Variants in FHIT observed in about 807,000 individuals in gnomAD.
FHIT encodes bis(5'-adenosyl)-triphosphatase.
In FHIT, 19 loss-of-function variants were observed where a neutral mutation model predicts 17.9. The ratio of observed to expected loss-of-function variants is 1.06; its 90% CI spans 0.74 to 1.56. The LOEUF (loss-of-function observed/expected upper bound fraction) is 1.56. Ranked by LOEUF, FHIT falls within the 40% of genes most tolerant of loss-of-function variation. FHIT has a pLI of 0.00. For missense variants in FHIT, 248 were observed against 189.2 expected (o/e 1.31, Z -1.82); for synonymous variants, 81 against 69.7 (o/e 1.16, Z -0.81).
At chr3:60,124,009 T>TATATAGAGAGAGAG (rs1384962194) in intron 5 of FHIT, among the ~76,000 whole-genome samples, 1 of 12,158 alleles carries the variant, frequency 8.2e-5, no homozygotes, top group Non-Finnish European at 1.5e-4. Context: ...TATATATATA[T>TATATAGAGAGAGAG]AGAGAGAGAG....
chr3:61,168,757 C>G (rs1429632920), intron 2 of FHIT, among the ~76,000 whole-genome samples: 1 of 152,210 alleles, frequency 6.6e-6, no homozygotes, highest in Non-Finnish European at 1.5e-5. Flanking sequence ...TGCATACGCT[C>G]AATTATGAAA....
intron 5 of FHIT, among the ~76,000 whole-genome samples, chr3:60,283,295 C>T (rs1707554743): frequency 6.6e-6 from 1 of 151,930 alleles, no homozygotes; most frequent in Admixed American, 6.6e-5. Context: ...ACTTTGCTCC[C>T]TCAAGTCATC....
At chr3:60,122,130 A>T (rs1242683265) in intron 5 of FHIT, among the ~76,000 whole-genome samples, 1 of 152,004 alleles carries the variant, frequency 6.6e-6, no homozygotes. Flanking sequence ...ACGCCTAGAG[A>T]TAATAAAAGA....
At chr3:60,312,345 T>TTGC in intron 5 of FHIT, among the ~76,000 whole-genome samples, 1 of 152,028 alleles carries the variant, frequency 6.6e-6, no homozygotes, top group Admixed American at 6.6e-5. Context: ...TCTCACTATG[T>TTGC]TGCCTAGGCT....
chr3:59,955,790 A>G (rs966527504), intron 7 of FHIT, among the ~76,000 whole-genome samples: 4 of 152,110 alleles, frequency 2.6e-5, no homozygotes, highest in African/African-American at 9.7e-5. Context: ...TTTGTGATAT[A>G]TATGTTAACC....
chr3:60,854,225 T>C (rs150510152), intron 3 of FHIT, among the ~76,000 whole-genome samples: 3 of 152,130 alleles, frequency 2.0e-5, no homozygotes, highest in African/African-American at 4.8e-5. Context: ...ATCAGACCAA[T>C]TGTATTTTTC....
intron 4 of FHIT, among the ~76,000 whole-genome samples, chr3:60,670,490 GCTC>G (rs2040481951): frequency 6.6e-6 from 1 of 152,158 alleles, no homozygotes; most frequent in South Asian, 2.1e-4. Flanking sequence ...AAGTGCTTAA[GCTC>G]CTCAAATTTT....
At chr3:60,018,529 A>G (rs549436496) in intron 5 of FHIT, among the ~76,000 whole-genome samples, 1 of 152,344 alleles carries the variant, frequency 6.6e-6, no homozygotes, top group East Asian at 1.9e-4. Flanking sequence ...AAGTGGCAAC[A>G]TGAAGAAAGA....
At chr3:60,482,774 G>C (rs1276993627) in intron 5 of FHIT, among the ~76,000 whole-genome samples, 1 of 151,502 alleles carries the variant, frequency 6.6e-6, no homozygotes, top group Non-Finnish European at 1.5e-5. Flanking sequence ...AAGAGCTAGA[G>C]AGGCAAGAGA....
In FHIT at chr3:60,238,780, C is replaced by T. The variant is rs188392382; in HGVS notation, c.104-224628G>A. The stretch of plus-strand genomic sequence containing the variant: ...GATTCACTTCCCCTTCATGCCAACC[C>T]TGTTTTTCTCCCTTATCATACAACA... On this transcript the variant is annotated intron_variant, in intron 5 of 9. Coordinates refer to ENST00000492590, the MANE Select transcript of FHIT (RefSeq NM_002012.4). Among the ~76,000 whole-genome samples the T allele has an allele frequency of 4.6e-5, 7 of 152,178 alleles. No individual in the cohort carries two copies. The East Asian group carries it at 1.2e-3, about 25-fold the overall frequency.
chr3:59,865,575 G>T (rs545371694), intron 8 of FHIT, among the ~76,000 whole-genome samples: 21 of 152,334 alleles, frequency 1.4e-4, no homozygotes, highest in Non-Finnish European at 2.4e-4. Context: ...TGGGATTCTA[G>T]GTCAGAGCCT....
At chr3:60,901,029 CTTCT>C (rs1553763059) in intron 3 of FHIT, among the ~76,000 whole-genome samples, 1 of 152,168 alleles carries the variant, frequency 6.6e-6, no homozygotes, top group Non-Finnish European at 1.5e-5. Flanking sequence ...TCAAAACTTA[CTTCT>C]TTGTTTGTCT....
At chr3:60,182,925 A>C (rs1193392606) in intron 5 of FHIT, among the ~76,000 whole-genome samples, 1 of 151,898 alleles carries the variant, frequency 6.6e-6, no homozygotes, top group African/African-American at 2.4e-5. Flanking sequence ...AAAAAAAAAA[A>C]AGAAAAAAAA....
Position 59,864,211 on chromosome 3 carries a change from C to T in FHIT, c.348+58135G>A, listed in dbSNP as rs548210555. Among the ~76,000 whole-genome samples, 24 of 152,242 alleles carry T rather than the reference C, an allele frequency of 1.6e-4. 1 individual carries two copies. The highest frequency in any genetic ancestry group is 1.5e-3 in the Admixed American group (23 of 15,302). On this transcript the variant is annotated intron_variant, in intron 8 of 9. Transcript: ENST00000492590. ...CAAATCTCAACTTGAATTGTATCTA[C>T]CAGAATTCCCACATGCTGTGGGAGA...
chr3:60,346,114 C>G (rs970236542), intron 5 of FHIT, among the ~76,000 whole-genome samples: 1 of 152,126 alleles, frequency 6.6e-6, no homozygotes, highest in African/African-American at 2.4e-5. Flanking sequence ...TGTTCCCTGC[C>G]AACATTTGCC....
chr3:59,914,067 GTGTT>G (rs1279321400), intron 8 of FHIT, among the ~76,000 whole-genome samples: 10 of 152,168 alleles, frequency 6.6e-5, no homozygotes, highest in Admixed American at 4.6e-4. Flanking sequence ...GTTATTAAAA[GTGTT>G]TGGTAGCAAC....
chr3:60,813,848 CTTT>C (rs1190649518), intron 4 of FHIT, among the ~76,000 whole-genome samples: 5 of 152,142 alleles, frequency 3.3e-5, no homozygotes, highest in African/African-American at 1.2e-4. Context: ...CACTCTTCTT[CTTT>C]ATCTCTGATA....
At chr3:60,217,073 A>G (rs750125886) in intron 5 of FHIT, among the ~76,000 whole-genome samples, 1 of 152,228 alleles carries the variant, frequency 6.6e-6, no homozygotes, top group Admixed American at 6.5e-5. Context: ...TTAAAGCATT[A>G]GCATGTTGAA....
At chr3:60,885,012 G>A (rs567491287) in intron 3 of FHIT, among the ~76,000 whole-genome samples, 1 of 144,720 alleles carries the variant, frequency 6.9e-6, no homozygotes, top group Non-Finnish European at 1.5e-5. Context: ...ATCTCATGGA[G>A]GTAGAAAGTT....
Sources: gnomAD v4.1 joint callset for allele counts (sites outside exome capture counted in the v4.1 genomes callset) on GRCh38, gnomAD v4.1.1 for gene constraint, MANE v1.5 for transcripts, NCBI Gene and HGNC (gene_info 2026-07-23, HGNC 2026-07-21) for gene names.